BRWD3: variants seen among roughly 807,000 people sequenced by gnomAD.
The protein encoded by BRWD3 is bromodomain and WD repeat-containing protein 3.
BRWD3 carries 10 observed loss-of-function variants against 149.7 expected under a neutral mutation model. The observed-to-expected ratio is 0.07, with a 90% CI of 0.04 to 0.11. The LOEUF (loss-of-function observed/expected upper bound fraction) is 0.11. Among genes scored for constraint, BRWD3 ranks in the 10% least tolerant of loss-of-function variants. The probability of loss-of-function intolerance (pLI) is 1.00; values close to 1 mark genes in which losing one functional copy is unlikely to be tolerated. For synonymous variants in BRWD3, 504 were observed against 456.7 expected (o/e 1.10, Z -1.32); for missense variants, 940 against 1,373.2 (o/e 0.68, Z 4.99).
Position 80,672,857 on chromosome X carries a change from C to A in BRWD3, c.*3752G>T, listed in dbSNP as rs1346773407. On this transcript the variant is annotated 3_prime_UTR_variant, in exon 41 of 41. Coordinates refer to ENST00000373275, the MANE Select transcript of BRWD3 (RefSeq NM_153252.5). ...ACTGAAAATTATATATGATGCAAGT[C>A]TCCCTTTTATGGATGTGAAAATTCC... The A allele has an allele frequency of 8.9e-6, 1 of 111,866 alleles. No individual in the cohort carries two copies. The highest frequency in any genetic ancestry group is 1.9e-5 in the Non-Finnish European group (1 of 53,184). 9.2% of individuals were successfully genotyped at this position (111,866 alleles called of 1,213,427 possible).
chrX:80,809,524 G>A lies in BRWD3; in HGVS notation c.-53C>T, dbSNP rs1602464124. On this transcript the variant is annotated 5_prime_UTR_variant, in exon 1 of 41. Coordinates refer to ENST00000373275, the MANE Select transcript of BRWD3 (RefSeq NM_153252.5). ...CGCTCCGGAGGGGCTGGCGGGGGCG[G>A]GTGGGGGCGCTGCCTCTATTGTGGT... 2 of 796,080 alleles carry A rather than the reference G, an allele frequency of 2.5e-6. No individual in the cohort carries two copies. The highest frequency in any genetic ancestry group is 3.6e-6 in the Non-Finnish European group (2 of 552,886). The allele number at this position is 796,080 out of a possible 1,213,427, so 65.6% of individuals were successfully genotyped here.
At chrX:80,748,648 A>C (rs1273833007) in intron 6 of BRWD3, among the ~76,000 whole-genome samples, 3 of 111,128 alleles carry the variant, frequency 2.7e-5, no homozygotes, top group Non-Finnish European at 5.7e-5. Flanking sequence ...GTCTACCTAA[A>C]AATTTGTCAA....
chrX:80,789,552 T>A (rs1472411153), intron 6 of BRWD3, among the ~76,000 whole-genome samples: 4 of 110,155 alleles, frequency 3.6e-5, no homozygotes, highest in African/African-American at 1.3e-4. Flanking sequence ...ATTTTTCGTA[T>A]TTTTTAGTAG....
intron 6 of BRWD3, among the ~76,000 whole-genome samples, chrX:80,755,331 A>C (rs908031500): frequency 1.4e-4 from 16 of 112,205 alleles, no homozygotes; most frequent in African/African-American, 5.2e-4. Context: ...TTTGGTAAAA[A>C]AAAGTTAACA....
chrX:80,774,370 C>G (rs781748393), intron 6 of BRWD3, among the ~76,000 whole-genome samples: 1 of 110,206 alleles, frequency 9.1e-6, no homozygotes, highest in Non-Finnish European at 1.9e-5. Flanking sequence ...CTCCAGAGAT[C>G]TTACCTCAGC....
At chrX:80,741,635 T>C (rs1268595913) in intron 8 of BRWD3, among the ~76,000 whole-genome samples, 1 of 112,273 alleles carries the variant, frequency 8.9e-6, no homozygotes, top group Non-Finnish European at 1.9e-5. Context: ...CACTGTGGTT[T>C]TGATTTGCAT....
chrX:80,735,736 G>A (rs1003316153), intron 9 of BRWD3, among the ~76,000 whole-genome samples: 8 of 105,136 alleles, frequency 7.6e-5, no homozygotes, highest in African/African-American at 1.0e-4. Flanking sequence ...CCCGGAAGGC[G>A]GAGCTTGCAG....
chrX:80,747,359 TC>T (rs2073607752), intron 6 of BRWD3, among the ~76,000 whole-genome samples: 1 of 109,403 alleles, frequency 9.1e-6, no homozygotes. Context: ...CCCTCACCTG[TC>T]CCCACTACAT....
chrX:80,808,413 C>A, intron 4 of BRWD3, 126 bp downstream of exon 4: 5 of 509,593 alleles, frequency 9.8e-6, no homozygotes, highest in Middle Eastern at 5.7e-4. Flanking sequence ...AAGGGGCAGT[C>A]GTTCTTTGGC....
At chrX:80,722,074 C>A (rs976083940) in intron 17 of BRWD3, among the ~76,000 whole-genome samples, 2 of 111,940 alleles carry the variant, frequency 1.8e-5, no homozygotes, top group African/African-American at 6.5e-5. Context: ...TCTTGAATGC[C>A]TAACCTCAAG....
At chrX:80,772,893 G>A (rs1045684457) in intron 6 of BRWD3, among the ~76,000 whole-genome samples, 2 of 112,025 alleles carry the variant, frequency 1.8e-5, no homozygotes, top group Non-Finnish European at 1.9e-5. Flanking sequence ...CCATACCACA[G>A]AATATCACTC....
chrX:80,769,889 T>C (rs2073914874), intron 6 of BRWD3, among the ~76,000 whole-genome samples: 1 of 110,093 alleles, frequency 9.1e-6, no homozygotes, highest in African/African-American at 3.3e-5. Context: ...AAGAATCAAA[T>C]AGATGCAATA....
rs370580962 is a variant in BRWD3 at position 80,670,128 on chromosome X, A to C, written c.*6481T>G. Among the ~76,000 whole-genome samples the C allele has an allele frequency of 9.0e-6, 1 of 111,456 alleles. No individual in the cohort carries two copies. The highest frequency in any genetic ancestry group is 2.8e-4 in the East Asian group (1 of 3,586). On this transcript the variant is annotated 3_prime_UTR_variant, in exon 41 of 41. Coordinates refer to ENST00000373275, the MANE Select transcript of BRWD3 (RefSeq NM_153252.5). ...ATCTATTAAAGTTACATAGAAAGGA[A>C]AGGAAAATGTTTCCCTAGAACTTTG...
chrX:80,744,296 T>C, intron 7 of BRWD3, 43 bp from the exon 8 acceptor site: 1 of 655,834 alleles, frequency 1.5e-6, no homozygotes, highest in Non-Finnish European at 2.2e-6. Flanking sequence ...GAAGCAGAAA[T>C]TCACAATACC....
chrX:80,760,787 A>T, intron 6 of BRWD3, among the ~76,000 whole-genome samples: 1 of 111,864 alleles, frequency 8.9e-6, no homozygotes, highest in Non-Finnish European at 1.9e-5. Flanking sequence ...GCAACCCATT[A>T]TTTTAGAAAA....
At chrX:80,682,879 C>G (rs2072474927) in intron 37 of BRWD3, among the ~76,000 whole-genome samples, 2 of 111,684 alleles carry the variant, frequency 1.8e-5, no homozygotes, top group Non-Finnish European at 3.8e-5. Context: ...TAAACTGAAA[C>G]AGCATTCTAA....
rs1310218551 is a variant in BRWD3 at position 80,711,373 on chromosome X, C to T, written c.2326-1796G>A. On this transcript the variant is annotated intron_variant, in intron 20 of 40. Coordinates refer to ENST00000373275, the MANE Select transcript of BRWD3 (RefSeq NM_153252.5). ...AGGGGTTTTACTTAACCCTATATAACGTGTTTTAACTTTCCAATATGACTC... is the reference window on the plus strand; with the variant it reads ...AGGGGTTTTACTTAACCCTATATAATGTGTTTTAACTTTCCAATATGACTC... Among the ~76,000 whole-genome samples the T allele has an allele frequency of 2.7e-5, 3 of 111,623 alleles. No homozygotes were observed. The Admixed American group carries it at 2.9e-4, about 11-fold the overall frequency.
intron 4 of BRWD3, among the ~76,000 whole-genome samples, chrX:80,806,689 C>T (rs1004958825): frequency 2.7e-5 from 3 of 112,354 alleles, no homozygotes; most frequent in Non-Finnish European, 5.6e-5. Flanking sequence ...CAACTGGAAG[C>T]TTGGTTCAAA....
intron 17 of BRWD3, among the ~76,000 whole-genome samples, chrX:80,720,306 A>C (rs2073130093): frequency 9.0e-6 from 1 of 111,495 alleles, no homozygotes; most frequent in African/African-American, 3.3e-5. Context: ...ATTGCCCCGG[A>C]AGACCTTCCA....
Sources: allele counts gnomAD v4.1 joint callset (sites outside exome capture counted in the v4.1 genomes callset), GRCh38; gene constraint gnomAD v4.1.1; transcripts MANE v1.5; gene names NCBI Gene and HGNC (gene_info 2026-07-23, HGNC 2026-07-21).